Variants in RPS6KA5 observed in about 807,000 individuals in gnomAD.
The protein encoded by RPS6KA5 is ribosomal protein S6 kinase A5.
In RPS6KA5, 27 loss-of-function variants were observed where a neutral mutation model predicts 85.5. The observed-to-expected ratio is 0.32, with a 90% CI of 0.23 to 0.44. The LOEUF is 0.44. Among genes scored for constraint, RPS6KA5 ranks in the 20% least tolerant of loss-of-function variants. The pLI is 1.00. For synonymous variants in RPS6KA5, 334 were observed against 348.2 expected (o/e 0.96, Z 0.46); for missense variants, 811 against 980.9 (o/e 0.83, Z 2.31).
chr14:90,981,397 T>A (rs1390106477), intron 2 of RPS6KA5, among the ~76,000 whole-genome samples: 1 of 152,172 alleles, frequency 6.6e-6, no homozygotes, highest in Non-Finnish European at 1.5e-5. Context: ...CACTGATATG[T>A]TGTGTGGGGT....
intron 1 of RPS6KA5, among the ~76,000 whole-genome samples, chr14:91,035,833 G>A (rs1595524394): frequency 9.8e-6 from 1 of 102,174 alleles, no homozygotes; most frequent in Non-Finnish European, 1.9e-5. Flanking sequence ...TTCAGCTGAT[G>A]AAACCCTCAC....
At chr14:91,007,597 C>G (rs2041075677) in intron 1 of RPS6KA5, among the ~76,000 whole-genome samples, 1 of 152,116 alleles carries the variant, frequency 6.6e-6, no homozygotes, top group East Asian at 1.9e-4. Context: ...GCAATTTTAA[C>G]CATTTTTTCC....
intron 3 of RPS6KA5, 112 bp from the exon 4 acceptor site, chr14:90,947,662 ATATAC>A: frequency 3.1e-6 from 2 of 643,388 alleles, no homozygotes; most frequent in Non-Finnish European, 5.4e-6. Context: ...ATATATTGCT[ATATAC>A]AATTTAGCAT....
At chr14:91,020,534 C>CTGTGTGTGTGTG (rs34407471) in intron 1 of RPS6KA5, among the ~76,000 whole-genome samples, 102 of 110,052 alleles carry the variant, frequency 9.3e-4, no homozygotes, top group African/African-American at 3.3e-3. Flanking sequence ...TAAGGAATGA[C>CTGTGTGTGTGTG]TGTGTGTGTG....
intron 3 of RPS6KA5, among the ~76,000 whole-genome samples, chr14:90,951,248 C>T (rs1446016132): frequency 2.0e-5 from 3 of 152,020 alleles, no homozygotes; most frequent in Non-Finnish European, 4.4e-5. Context: ...CTTTGTGAGG[C>T]CGAGGCGGGC....
chr14:90,952,213 T>C (rs2038232738), intron 3 of RPS6KA5, among the ~76,000 whole-genome samples: 1 of 152,242 alleles, frequency 6.6e-6, no homozygotes, highest in African/African-American at 2.4e-5. Flanking sequence ...CCTTACATGC[T>C]ATTAGTGGGA....
rs527373307 is a variant in RPS6KA5, at chr14:91,042,794, C to T, written c.103+17538G>A. 3.9e-5 allele frequency among the ~76,000 whole-genome samples: 6 copies of T among 151,976 alleles called. 1 individual carries two copies. The highest frequency in any genetic ancestry group is 3.9e-4 in the Admixed American group (6 of 15,274). ...CCCCTTCTCAGGACCATGACACCAT[C>T]GTCTATCCCATCTTGTACAGTTTTA... On this transcript the variant is annotated intron_variant, in intron 1 of 16. Coordinates refer to ENST00000614987, the MANE Select transcript of RPS6KA5 (RefSeq NM_004755.4).
intron 1 of RPS6KA5, among the ~76,000 whole-genome samples, chr14:91,058,602 CCAGAAAG>C (rs1344069994): frequency 6.6e-6 from 1 of 152,150 alleles, no homozygotes; most frequent in Non-Finnish European, 1.5e-5. Context: ...AATCTTCACA[CCAGAAAG>C]CACCTGACAC....
At chr14:90,976,201 A>AG (rs1555371191) in intron 3 of RPS6KA5, among the ~76,000 whole-genome samples, 1 of 85,866 alleles carries the variant, frequency 1.2e-5, no homozygotes, top group Non-Finnish European at 2.3e-5. Context: ...TTAAGAGAAC[A>AG]GAAAAAAAAA....
intron 4 of RPS6KA5, among the ~76,000 whole-genome samples, chr14:90,946,201 T>C (rs1292669578): frequency 6.6e-6 from 1 of 152,152 alleles, no homozygotes; most frequent in Non-Finnish European, 1.5e-5. Context: ...AATAATTCCA[T>C]GAAAAGAAGT....
rs1202741835 is a variant in RPS6KA5 at position 90,859,551 on chromosome 14, T to C, written c.*12523A>G. On this transcript the variant is annotated 3_prime_UTR_variant, in exon 17 of 17. Transcript: ENST00000614987. ...ATTTTAGAATCCAAAATATAAGATA[T>C]ACAACTAAATTTAAAATTGATTAGG... 1 of 152,130 alleles carries C rather than the reference T, an allele frequency of 6.6e-6. No homozygotes were observed. The highest frequency in any genetic ancestry group is 1.5e-5 in the Non-Finnish European group (1 of 68,018). The allele number at this position is 152,130 out of a possible 1,614,324, so 9.4% of individuals were successfully genotyped here. A position where few individuals can be genotyped will look rare whatever the true frequency, so the allele number is the denominator to read the frequency against.
chr14:90,875,669 T>C (rs1346363465), intron 14 of RPS6KA5, among the ~76,000 whole-genome samples: 3 of 151,494 alleles, frequency 2.0e-5, no homozygotes, highest in African/African-American at 2.4e-5. Context: ...CCAACAACGA[T>C]AGACTGGATT....
intron 1 of RPS6KA5, among the ~76,000 whole-genome samples, chr14:91,027,658 T>C (rs1466313524): frequency 6.6e-6 from 1 of 152,224 alleles, no homozygotes; most frequent in Non-Finnish European, 1.5e-5. Flanking sequence ...TCATTCTGCA[T>C]GTCCAGTGTG....
chr14:90,893,561 A>C (rs2034673982), intron 13 of RPS6KA5, among the ~76,000 whole-genome samples: 4 of 152,148 alleles, frequency 2.6e-5, no homozygotes. Flanking sequence ...TAGAGAAATA[A>C]TCTTTTGTGG....
intron 7 of RPS6KA5, among the ~76,000 whole-genome samples, chr14:90,913,231 C>T (rs1452211074): frequency 1.3e-5 from 2 of 151,968 alleles, no homozygotes; most frequent in South Asian, 2.1e-4. Context: ...CATCTTATTT[C>T]CCTCTTCTGC....
At chr14:90,950,160 T>C (rs2038098400) in intron 3 of RPS6KA5, among the ~76,000 whole-genome samples, 1 of 152,236 alleles carries the variant, frequency 6.6e-6, no homozygotes, top group Non-Finnish European at 1.5e-5. Flanking sequence ...ACTTCTTTTG[T>C]TAAATTTATT....
chr14:90,895,785 G>A (rs543844435), intron 12 of RPS6KA5, among the ~76,000 whole-genome samples: 205 of 152,298 alleles, frequency 1.3e-3, no homozygotes, highest in African/African-American at 4.7e-3. Context: ...AGCTACTCAG[G>A]AGGCTGAGGT....
chr14:90,944,949 A>C (rs554612003), intron 4 of RPS6KA5, among the ~76,000 whole-genome samples: 2 of 134,264 alleles, frequency 1.5e-5, no homozygotes, highest in Non-Finnish European at 3.0e-5. Context: ...TTTTTTTTTT[A>C]AAAGAACAGA....
intron 5 of RPS6KA5, among the ~76,000 whole-genome samples, chr14:90,926,794 G>A (rs1275160209): frequency 3.3e-5 from 5 of 151,718 alleles, no homozygotes; most frequent in South Asian, 2.1e-4. Flanking sequence ...GACAAAGACA[G>A]AATTTATTAA....
Sources: gnomAD v4.1 joint callset for allele counts (sites outside exome capture counted in the v4.1 genomes callset) on GRCh38, gnomAD v4.1.1 for gene constraint, MANE v1.5 for transcripts, NCBI Gene and HGNC (gene_info 2026-07-23, HGNC 2026-07-21) for gene names.